The following CACNA2D4 variants were observed in gnomAD, a reference collection of about 807,000 sequenced individuals.
CACNA2D4 encodes voltage-dependent calcium channel subunit alpha-2/delta-4.
Under a neutral mutation model 163.8 loss-of-function variants are expected in CACNA2D4, and 157 were observed. The observed-to-expected ratio is 0.96, with a 90% confidence interval of 0.84 to 1.09. CACNA2D4 has a LOEUF of 1.09. Ranked by LOEUF, CACNA2D4 falls within the 50% of genes least tolerant of loss-of-function variation. The pLI is 0.00. For synonymous variants in CACNA2D4, 598 were observed against 586.9 expected, an observed-to-expected ratio of 1.02 and a Z score of -0.27; for missense variants, 1,410 against 1,479.9, an observed-to-expected ratio of 0.95 and a Z score of 0.78.
intron 9 of CACNA2D4, among the ~76,000 whole-genome samples, chr12:1,885,332 G>C (rs1223801490): frequency 6.6e-6 from 1 of 152,210 alleles, no homozygotes; most frequent in Non-Finnish European, 1.5e-5. Flanking sequence ...CAAGTGTGAA[G>C]CTGAGTACAG....
Position 1,883,230 on chromosome 12 carries a change from G to A in CACNA2D4, c.1352-230C>T, listed in dbSNP as rs376663987. Among the ~76,000 whole-genome samples, 15 of 152,308 alleles carry A rather than the reference G, an allele frequency of 9.8e-5. 1 individual carries two copies. The highest frequency in any genetic ancestry group is 3.9e-4 in the Admixed American group (6 of 15,306). On this transcript the variant is annotated intron_variant, in intron 12 of 37. Transcript: ENST00000382722. The surrounding 1 kb of genome is among the most constrained non-coding windows in gnomAD (Gnocchi z 4.5). ...CTGCACCCTGGAAGATCTCTGAGGGGCTGTCCCACCCAGAGCTCCGGAAGG... is the reference window on the plus strand; with the variant it reads ...CTGCACCCTGGAAGATCTCTGAGGGACTGTCCCACCCAGAGCTCCGGAAGG...
intron 18 of CACNA2D4, among the ~76,000 whole-genome samples, chr12:1,867,034 G>A (rs140462265): frequency 1.4e-4 from 21 of 152,126 alleles, no homozygotes; most frequent in African/African-American, 4.8e-4. Flanking sequence ...GCACTTTAAC[G>A]ATGTTATTTT....
intron 37 of CACNA2D4, among the ~76,000 whole-genome samples, chr12:1,794,552 A>C (rs755514427): frequency 1.3e-5 from 2 of 152,260 alleles, no homozygotes; most frequent in South Asian, 4.1e-4. Context: ...CTGTAAATCT[A>C]GGGTTCCCAT....
At position 1,799,091 on chromosome 12, in the gene CACNA2D4, C is replaced by T. The variant is rs560664627; in HGVS notation, c.2995+584G>A. ...GAACACGGAGGAACTGAGCAGAGCC[C>T]GCTGAGGCAAGATGGCCTCCTGCAG... On this transcript the variant is annotated intron_variant, in intron 34 of 37. Transcript: ENST00000382722. The surrounding 1 kb of genome is among the most constrained non-coding windows in gnomAD (Gnocchi z 4.7). 1.7e-4 allele frequency among the ~76,000 whole-genome samples: 26 copies of T among 152,346 alleles called. 1 individual carries two copies. The highest frequency in any genetic ancestry group is 6.8e-3 in the Middle Eastern group (2 of 294).
chr12:1,817,457 G>C (rs1025877173), intron 26 of CACNA2D4, among the ~76,000 whole-genome samples: 1 of 151,914 alleles, frequency 6.6e-6, no homozygotes, highest in Non-Finnish European at 1.5e-5. Context: ...TAGGAAAGGA[G>C]ATGACTCCCT....
In CACNA2D4 at chr12:1,875,187, G is replaced by T; in HGVS notation, c.1806+64C>A. The T allele has an allele frequency of 8.8e-7, 1 of 1,142,340 alleles. No individual in the cohort carries two copies. The highest frequency in any genetic ancestry group is 1.3e-6 in the Non-Finnish European group (1 of 751,544). The allele number at this position is 1,142,340 out of a possible 1,614,324, so 70.8% of individuals were successfully genotyped here. On this transcript the variant is annotated intron_variant, in intron 17 of 37. Transcript: ENST00000382722. The surrounding 1 kb of genome is among the most constrained non-coding windows in gnomAD (Gnocchi z 4.0). ...TGACCTCAAAGCTCACAGCCACACA[G>T]CTGACCCATTTAGTTGGATGTAGAG...
In CACNA2D4 at chr12:1,883,886, C is replaced by T. The variant is rs1423943774; in HGVS notation, c.1351+357G>A. ...AATGGGGCCAGGTGCATAGTGGATG[C>T]TCAGTGAATTTTTGTTGAATCAATG... On this transcript the variant is annotated intron_variant, in intron 12 of 37. Coordinates refer to ENST00000382722, the MANE Select transcript of CACNA2D4 (RefSeq NM_172364.5). The surrounding 1 kb of genome is among the most constrained non-coding windows in gnomAD (Gnocchi z 4.5). The T allele has an allele frequency of 1.9e-5, 5 of 257,540 alleles. No individual in the cohort carries two copies. The highest frequency in any genetic ancestry group is 3.7e-5 in the Non-Finnish European group (5 of 134,142). The allele number at this position is 257,540 out of a possible 1,614,324, so 16.0% of individuals were successfully genotyped here.
At chr12:1,871,848 ACT>A (rs541071835) in intron 18 of CACNA2D4, among the ~76,000 whole-genome samples, 61 of 152,284 alleles carry the variant, frequency 4.0e-4, no homozygotes, top group African/African-American at 1.4e-3. Flanking sequence ...AGGAAGGAAC[ACT>A]CTGTCTGCCC....
In CACNA2D4 at chr12:1,842,984, TGGCTCCCTTGCTGTGTGACCCCG is replaced by T. The variant is rs1449450248; in HGVS notation, c.2470+1395_2470+1417del. On this transcript the variant is annotated intron_variant, in intron 25 of 37. Coordinates refer to ENST00000382722, the MANE Select transcript of CACNA2D4 (RefSeq NM_172364.5). ...TGGATTAGGGCAGAGCTTGGCTCTGTGGCTCCCTTGCTGTGTGACCCCGGGCAAGTTACAGAACCTCTCTGAGC... is the reference window on the plus strand; with the variant it reads ...TGGATTAGGGCAGAGCTTGGCTCTGTGGCAAGTTACAGAACCTCTCTGAGC... Among the ~76,000 whole-genome samples the T allele has an allele frequency of 4.6e-5, 7 of 152,192 alleles. No homozygotes were observed. In the South Asian group the frequency reaches 6.2e-4, roughly 13 times the overall value.
Position 1,885,010 on chromosome 12 carries a change from C to T in CACNA2D4, c.1135G>A (p.Glu379Lys), listed in dbSNP as rs775901817. Residue 379 changes from glutamate to lysine, a missense_variant, in exon 10 of 38, where the codon GAA becomes AAA. Coordinates refer to ENST00000382722, the MANE Select transcript of CACNA2D4 (RefSeq NM_172364.5). ...GVGVVDQALR[E>K]AFQILKQFQE... ...ACCTGCTTCAGGATCTGGAAGGCTT[C>T]TCTCAGGGCTTGGTCCACGACCCCC... is the stretch of plus-strand genomic sequence containing the variant. The T allele has an allele frequency of 3.1e-6, 5 of 1,613,926 alleles. No homozygotes were observed. Among genetic ancestry groups the T allele is most frequent in the Admixed American group, 1.7e-5 (1 of 60,026 alleles).
chr12:1,811,912 G>T, intron 26 of CACNA2D4, 189 bp from the exon 27 acceptor site: 1 of 592,380 alleles, frequency 1.7e-6, no homozygotes, highest in South Asian at 2.1e-5. Context: ...GGGAAGAACA[G>T]AGACGGCAGC....
chr12:1,801,164 C>G, intron 30 of CACNA2D4, 46 bp from the exon 31 acceptor site: 1 of 1,503,216 alleles, frequency 6.7e-7, no homozygotes, highest in Non-Finnish European at 9.3e-7. Flanking sequence ...CCACCCCCAC[C>G]CCCTGCCCCT....
chr12:1,881,234 C>T (rs535698388), intron 13 of CACNA2D4, among the ~76,000 whole-genome samples: 1 of 152,188 alleles, frequency 6.6e-6, no homozygotes, highest in African/African-American at 2.4e-5. Context: ...ACTGTGGCCT[C>T]GTCTGTGTGC....
rs142944484 is a variant in CACNA2D4 at position 1,852,502 on chromosome 12, C to A, written c.2246+1449G>T. 1.5e-3 allele frequency among the ~76,000 whole-genome samples: 230 copies of A among 152,210 alleles called. 1 individual carries two copies. The highest frequency in any genetic ancestry group is 5.2e-3 in the African/African-American group (217 of 41,536). ...CTGAGCAACATAGAGAGACCCCCAT[C>A]TCTACAAAATTTTTTTAAATGAATG... On this transcript the variant is annotated intron_variant, in intron 23 of 37. Transcript: ENST00000382722.
chr12:1,809,699 G>A, intron 29 of CACNA2D4: 1 of 620,946 alleles, frequency 1.6e-6, no homozygotes, highest in Non-Finnish European at 2.9e-6. Flanking sequence ...GGGGCGGGGG[G>A]AGGATTAGGA....
intron 26 of CACNA2D4, among the ~76,000 whole-genome samples, chr12:1,825,064 C>A (rs1592680066): frequency 6.6e-6 from 1 of 152,240 alleles, no homozygotes; most frequent in Admixed American, 6.5e-5. Flanking sequence ...CAGTGTCCTG[C>A]CACCTTGCAA....
chr12:1,809,514 A>T (rs751296501), intron 29 of CACNA2D4: 62 of 702,576 alleles, frequency 8.8e-5, no homozygotes, highest in Non-Finnish European at 4.4e-5. Flanking sequence ...TCTGGTGAAT[A>T]TATCTGGATT....
intron 26 of CACNA2D4, among the ~76,000 whole-genome samples, chr12:1,831,690 C>G (rs1483322856): frequency 6.6e-6 from 1 of 152,174 alleles, no homozygotes; most frequent in Non-Finnish European, 1.5e-5. Context: ...CAAGCCTCCC[C>G]TCACATGAGC....
chr12:1,806,400 C>T lies in CACNA2D4; in HGVS notation c.2721+3878G>A, dbSNP rs898882538. 3.9e-5 allele frequency among the ~76,000 whole-genome samples: 6 copies of T among 152,136 alleles called. No homozygotes were observed. The highest frequency in any genetic ancestry group is 1.4e-4 in the African/African-American group (6 of 41,424). Reference sequence around the variant, plus strand: ...CAGCAGGCCTGGAACACCGCCGGTGCCAAGAAAGAGCCAAGCAGCCACTCC... The same window carrying T: ...CAGCAGGCCTGGAACACCGCCGGTGTCAAGAAAGAGCCAAGCAGCCACTCC... On this transcript the variant is annotated intron_variant, in intron 29 of 37. Transcript: ENST00000382722. This position sits in a 1 kb window ranked among gnomAD's most constrained non-coding sequence, Gnocchi z 4.1.
Sources: gnomAD v4.1 joint callset for allele counts (sites outside exome capture counted in the v4.1 genomes callset) on GRCh38, gnomAD v4.1.1 for gene constraint, Gnocchi (gnomAD v3.1) non-coding constraint, MANE v1.5 for transcripts, NCBI Gene and HGNC (gene_info 2026-07-23, HGNC 2026-07-21) for gene names.